RBCK1: variants seen among roughly 807,000 people sequenced by gnomAD.
RBCK1 encodes ranBP-type and C3HC4-type zinc finger-containing protein 1.
Under a neutral mutation model 71.1 loss-of-function variants are expected in RBCK1, and 44 were observed. That is an observed-to-expected ratio of 0.62 (90% CI 0.49 to 0.80). The LOEUF (loss-of-function observed/expected upper bound fraction) is 0.80, where lower values mean the gene tolerates loss of function less well. RBCK1 is among the 30% of genes least tolerant of loss of function. The pLI, the probability that RBCK1 is intolerant of heterozygous loss-of-function variation, is 0.00. For synonymous variants in RBCK1, 306 were observed against 279.7 expected, an observed-to-expected ratio of 1.09 and a Z score of -0.94; for missense variants, 569 against 685.0, an observed-to-expected ratio of 0.83 and a Z score of 1.89.
Position 419,697 on chromosome 20 carries a change from C to CGG in RBCK1, c.724_725dup (p.Glu243AlafsTer34). ...GACGAGGAGGAGCGAGCGCGCCTGG[C>CGG]GGGCGAGGAGGAGGCGCTGCGTCAG... On this transcript the variant is annotated frameshift_variant, in exon 6 of 12. Coordinates refer to ENST00000356286, the MANE Select transcript of RBCK1 (RefSeq NM_031229.4). LOFTEE classifies it high-confidence loss of function. 1 of 1,572,306 alleles carries CGG rather than the reference C, an allele frequency of 6.4e-7. No homozygotes were observed. Among genetic ancestry groups the CGG allele is most frequent in the South Asian group, 1.2e-5 (1 of 86,518 alleles).
intron 2 of RBCK1, 137 bp downstream of exon 2, chr20:410,162 G>T (rs1263740231): frequency 1.0e-6 from 1 of 984,816 alleles, no homozygotes; most frequent in Non-Finnish European, 1.5e-6. Context: ...TTAATCAACT[G>T]TGAAATACAG....
chr20:427,639 C>A, intron 9 of RBCK1, 147 bp downstream of exon 9: 1 of 912,570 alleles, frequency 1.1e-6, no homozygotes, highest in Non-Finnish European at 1.6e-6. Flanking sequence ...GAGAGTGTGG[C>A]TTGAGCCTGA....
At position 430,696 on chromosome 20, in the gene RBCK1, C is replaced by G. The variant is rs2016975992; in HGVS notation, c.*266C>G. On this transcript the variant is annotated 3_prime_UTR_variant, in exon 12 of 12. Transcript: ENST00000356286. The surrounding 1 kb of genome is among the most constrained non-coding windows in gnomAD (Gnocchi z 5.6). ...TGGCCAGAGGCCTTGCTGGGTGGAG[C>G]CTCTGTGTGACTCCATACTCCTCCC... 1 of 525,246 alleles carries G rather than the reference C, an allele frequency of 1.9e-6. No individual in the cohort carries two copies. Among genetic ancestry groups the G allele is most frequent in the Admixed American group, 3.3e-5 (1 of 30,642 alleles). 32.5% of individuals were successfully genotyped at this position (525,246 alleles called of 1,614,324 possible).
Position 428,357 on chromosome 20 carries a change from C to T in RBCK1, c.1210-134C>T. ...CTTCTGTAAAATGGCTTATGCATTA[C>T]AAAGTGAGGTCCTGCCAGTGACTAC... On this transcript the variant is annotated intron_variant, in intron 9 of 11. Transcript: ENST00000356286. The surrounding 1 kb of genome is among the most constrained non-coding windows in gnomAD (Gnocchi z 5.7). The T allele has an allele frequency of 1.7e-6, 1 of 578,826 alleles. No homozygotes were observed. 35.9% of individuals were successfully genotyped at this position (578,826 alleles called of 1,614,324 possible). A position where few individuals can be genotyped will look rare whatever the true frequency, so the allele number is the denominator to read the frequency against.
In RBCK1 at chr20:410,440, A is replaced by G. The variant is rs188914068; in HGVS notation, c.167+415A>G. 1.3e-5 allele frequency: 10 copies of G among 779,672 alleles called. No individual in the cohort carries two copies. The Admixed American group carries it at 1.7e-4, about 13-fold the overall frequency. The allele number at this position is 779,672 out of a possible 1,614,324, so 48.3% of individuals were successfully genotyped here. A position where few individuals can be genotyped will look rare whatever the true frequency, so the allele number is the denominator to read the frequency against. On this transcript the variant is annotated intron_variant, in intron 2 of 11. Transcript: ENST00000356286. The stretch of plus-strand genomic sequence containing the variant: ...CCTCATGGTGCAAAATGGCCATTCC[A>G]GCTCCATCCAGCCATCACATCACAG...
chr20:421,400 C>G (rs1171634735), intron 7 of RBCK1, among the ~76,000 whole-genome samples: 1 of 152,204 alleles, frequency 6.6e-6, no homozygotes, highest in Non-Finnish European at 1.5e-5. Flanking sequence ...ATGTGGGGAA[C>G]ACAGACCCGC....
At position 431,606 on chromosome 20, in the gene RBCK1, GTGATT is replaced by G. The variant is rs2017016843; in HGVS notation, c.*1178_*1182del. 1.3e-5 allele frequency among the ~76,000 whole-genome samples: 2 copies of G among 152,330 alleles called. No homozygotes were observed. The highest frequency in any genetic ancestry group is 4.1e-4 in the South Asian group (2 of 4,826). ...AGGGCGCCTCTGCTGCTGAAGGCCT[GTGATT>G]TTGTGGGGAAGGGCCTGTTCTAGCA... On this transcript the variant is annotated 3_prime_UTR_variant, in exon 12 of 12. Coordinates refer to ENST00000356286, the MANE Select transcript of RBCK1 (RefSeq NM_031229.4). This position sits in a 1 kb window ranked among gnomAD's most constrained non-coding sequence, Gnocchi z 4.8.
chr20:424,773 A>G (rs2016615956), intron 8 of RBCK1, among the ~76,000 whole-genome samples: 1 of 152,246 alleles, frequency 6.6e-6, no homozygotes, highest in South Asian at 2.1e-4. Flanking sequence ...AAAGGGCTGC[A>G]TGAACTTCCC....
In RBCK1 at chr20:417,420, TGTGC is replaced by T; in HGVS notation, c.168-105_168-102del. 2.2e-6 allele frequency: 2 copies of T among 897,582 alleles called. No individual in the cohort carries two copies. Among genetic ancestry groups the T allele is most frequent in the Non-Finnish European group, 3.7e-6 (2 of 535,912 alleles). 55.6% of individuals were successfully genotyped at this position (897,582 alleles called of 1,614,324 possible). ...TTGTGTGTGTGTGTGTGTGTGTGTG[TGTGC>T]ATGGCCATGTGCCTGTGTGCAAATA... On this transcript the variant is annotated intron_variant, in intron 2 of 11. Transcript: ENST00000356286. The surrounding 1 kb of genome is among the most constrained non-coding windows in gnomAD (Gnocchi z 4.7).
chr20:422,136 G>A lies in RBCK1; in HGVS notation c.927G>A (p.Leu309=), dbSNP rs2016473448. ...CCCTCCCCTCCCCTAGGGAGTGCCT[G>A]CAGGGCACCATCCGCAACAGCCAGG... The part of the protein sequence containing the change: ...ECLHTFCREC[L]QGTIRNSQEA... Residue 309 remains leucine (L), a synonymous_variant, in exon 8 of 12, where the codon CTG becomes CTA. Coordinates refer to ENST00000356286, the MANE Select transcript of RBCK1 (RefSeq NM_031229.4). The surrounding 1 kb of genome is among the most constrained non-coding windows in gnomAD (Gnocchi z 5.0). The A allele has an allele frequency of 6.2e-7, 1 of 1,611,918 alleles. No individual in the cohort carries two copies. The highest frequency in any genetic ancestry group is 8.5e-7 in the Non-Finnish European group (1 of 1,179,670).
chr20:419,838 C>G, intron 6 of RBCK1, 107 bp downstream of exon 6: 1 of 1,448,702 alleles, frequency 6.9e-7, no homozygotes, highest in Non-Finnish European at 9.1e-7. Context: ...ACTGCCTTGC[C>G]CCTCCCAACC....
At chr20:424,950 A>C (rs559212251) in intron 8 of RBCK1, among the ~76,000 whole-genome samples, 1 of 152,260 alleles carries the variant, frequency 6.6e-6, no homozygotes, top group East Asian at 1.9e-4. Context: ...ATCACCCACA[A>C]ACCCAGGAAA....
intron 7 of RBCK1, among the ~76,000 whole-genome samples, chr20:421,317 C>T (rs1358459696): frequency 1.3e-5 from 2 of 152,176 alleles, no homozygotes; most frequent in African/African-American, 2.4e-5. Flanking sequence ...GCTCCTGCAG[C>T]CACGCTGCTC....
chr20:430,684 TG>T lies in RBCK1; in HGVS notation c.*255del. On this transcript the variant is annotated 3_prime_UTR_variant, in exon 12 of 12. Coordinates refer to ENST00000356286, the MANE Select transcript of RBCK1 (RefSeq NM_031229.4). The surrounding 1 kb of genome is among the most constrained non-coding windows in gnomAD (Gnocchi z 5.6). ...AAACATAGCCCCTGGCCAGAGGCCT[TG>T]CTGGGTGGAGCCTCTGTGTGACTCC... 1 of 543,616 alleles carries T rather than the reference TG, an allele frequency of 1.8e-6. No homozygotes were observed. The allele number at this position is 543,616 out of a possible 1,614,324, so 33.7% of individuals were successfully genotyped here.
chr20:408,682 C>T lies in RBCK1; in HGVS notation c.-76C>T. On this transcript the variant is annotated 5_prime_UTR_variant, in exon 1 of 12. Transcript: ENST00000356286. ...GGCTGAGTTGCTCCTGGTCTCCCGC[C>T]TCTCCCAGGCGACCCGGAGGTAGCA... 6.3e-7 allele frequency: 1 copy of T among 1,586,956 alleles called. No homozygotes were observed. The highest frequency in any genetic ancestry group is 8.6e-7 in the Non-Finnish European group (1 of 1,166,682).
At chr20:415,535 A>C (rs544970910) in intron 2 of RBCK1, among the ~76,000 whole-genome samples, 2 of 152,156 alleles carry the variant, frequency 1.3e-5, no homozygotes, top group African/African-American at 4.8e-5. Context: ...CAAGATCTAC[A>C]TGTAGCATTT....
intron 8 of RBCK1, among the ~76,000 whole-genome samples, chr20:423,362 C>T (rs1041041167): frequency 2.6e-5 from 4 of 152,062 alleles, no homozygotes; most frequent in African/African-American, 4.8e-5. Context: ...TTGTTGTTAG[C>T]GCTTACTGTG....
At chr20:419,851 G>A in intron 6 of RBCK1, 120 bp downstream of exon 6, 1 of 1,443,628 alleles carries the variant, frequency 6.9e-7, no homozygotes, top group South Asian at 1.4e-5. Context: ...TCCCAACCAT[G>A]CTGCTGGCAG....
Position 419,445 on chromosome 20 carries a change from G to T in RBCK1, c.559G>T (p.Asp187Tyr), listed in dbSNP as rs1223930298. ...VPQEPGRGQPDAVPEPPPVGW... is the reference protein window; with the variant it reads ...VPQEPGRGQPYAVPEPPPVGW... ...CCAGGAACCCGGACGGGGGCAGCCA[G>T]ATGCAGTGCCTGAGCCCCCACCGGT... Residue 187 changes from aspartate (D) to tyrosine (Y), a missense_variant, in exon 5 of 12, where the codon GAT (aspartate) becomes TAT (tyrosine). Physicochemically the swap from Asp to Tyr is radical, Grantham distance 160 (BLOSUM62 -3). This residue lies in a region of RBCK1 where 358 missense variants were observed against 375.6 expected (regional missense o/e 0.95). Coordinates refer to ENST00000356286, the MANE Select transcript of RBCK1 (RefSeq NM_031229.4). The T allele has an allele frequency of 8.7e-6, 14 of 1,608,460 alleles. No individual in the cohort carries two copies. The highest frequency in any genetic ancestry group is 1.1e-5 in the Non-Finnish European group (13 of 1,177,772).
Sources: gnomAD v4.1 joint callset for allele counts (sites outside exome capture counted in the v4.1 genomes callset) on GRCh38, gnomAD v4.1.1 for gene constraint, gnomAD v4.1.1 regional missense constraint, Gnocchi (gnomAD v3.1) non-coding constraint, MANE v1.5 for transcripts, NCBI Gene and HGNC (gene_info 2026-07-23, HGNC 2026-07-21) for gene names.